FGF12: variants seen among roughly 807,000 people sequenced by gnomAD.
The protein encoded by FGF12 is fibroblast growth factor 12B.
Under a neutral mutation model 23.6 loss-of-function variants are expected in FGF12, and 14 were observed. The ratio of observed to expected loss-of-function variants is 0.59; its 90% CI spans 0.39 to 0.93. FGF12 has a LOEUF of 0.93. Among genes scored for constraint, FGF12 ranks in the 40% least tolerant of loss-of-function variants. The pLI, the probability that FGF12 is intolerant of heterozygous loss-of-function variation, is 0.00. For missense variants in FGF12, 175 were observed against 217.8 expected (o/e 0.80, Z 1.24); for synonymous variants, 62 against 77.3 (o/e 0.80, Z 1.04).
At chr3:192,184,331 C>A (rs1716339961) in intron 4 of FGF12, among the ~76,000 whole-genome samples, 2 of 152,114 alleles carry the variant, frequency 1.3e-5, no homozygotes, top group African/African-American at 2.4e-5. Flanking sequence ...CTTTGCTTAC[C>A]GATTAGAGTG....
chr3:192,426,584 T>C (rs539143972), intron 2 of FGF12, among the ~76,000 whole-genome samples: 2 of 152,218 alleles, frequency 1.3e-5, no homozygotes, highest in Non-Finnish European at 2.9e-5. Flanking sequence ...TTTTAGATGA[T>C]GGCAATCCAG....
At chr3:192,285,286 A>G (rs955271904) in intron 4 of FGF12, among the ~76,000 whole-genome samples, 9 of 152,052 alleles carry the variant, frequency 5.9e-5, no homozygotes, top group Admixed American at 2.0e-4. Flanking sequence ...TAACTTGGCC[A>G]TAACCACATT....
At chr3:192,262,488 A>G (rs1449572287) in intron 4 of FGF12, among the ~76,000 whole-genome samples, 2 of 152,190 alleles carry the variant, frequency 1.3e-5, no homozygotes. Context: ...GTTTTGGTCA[A>G]CAATGTACTA....
At chr3:192,667,976 A>C (rs1025428613) in intron 2 of FGF12, among the ~76,000 whole-genome samples, 1 of 152,216 alleles carries the variant, frequency 6.6e-6, no homozygotes, top group Non-Finnish European at 1.5e-5. Context: ...TAGGGATATA[A>C]TAATGTATAC....
chr3:192,499,683 C>G (rs1166726513), intron 2 of FGF12, among the ~76,000 whole-genome samples: 1 of 150,714 alleles, frequency 6.6e-6, no homozygotes, highest in African/African-American at 2.4e-5. Flanking sequence ...AGGCACCCAC[C>G]ACCTCACACG....
rs1308564639 is a variant in FGF12, at chr3:192,512,852, ATATATAT to A, written c.14-152321_14-152315del. On this transcript the variant is annotated intron_variant, in intron 2 of 5. Transcript: ENST00000445105. ...CTCAAATAAATATATATATATATAT[ATATATAT>A]AACAGGCTATGTCTATCATTTCCAC... 6.3e-4 allele frequency among the ~76,000 whole-genome samples: 83 copies of A among 131,202 alleles called. 4 individuals are homozygous for A. The South Asian group carries it at 0.019, about 29-fold the overall frequency. 86.1% of individuals were successfully genotyped at this position (131,202 alleles called of 152,430 possible).
intron 2 of FGF12, among the ~76,000 whole-genome samples, chr3:192,682,933 G>A (rs953749385): frequency 5.3e-5 from 8 of 152,184 alleles, no homozygotes; most frequent in African/African-American, 1.7e-4. Context: ...CCTTGTTGGG[G>A]AATGTATCAA....
intron 2 of FGF12, among the ~76,000 whole-genome samples, chr3:192,512,521 T>A (rs1355195710): frequency 6.6e-6 from 1 of 152,012 alleles, no homozygotes. Context: ...CAACAATCTA[T>A]TAGGTAGGTA....
intron 4 of FGF12, among the ~76,000 whole-genome samples, chr3:192,304,057 T>C (rs551256974): frequency 3.9e-5 from 6 of 152,282 alleles, no homozygotes; most frequent in Admixed American, 3.9e-4. Context: ...AAGACTGTAG[T>C]AAGCACTCAA....
At chr3:192,455,245 G>A (rs1027455181) in intron 2 of FGF12, among the ~76,000 whole-genome samples, 9 of 152,142 alleles carry the variant, frequency 5.9e-5, no homozygotes, top group Admixed American at 2.0e-4. Flanking sequence ...TTCGGAGAGG[G>A]GACAAGAAGA....
chr3:192,630,554 ATT>A (rs10695787), intron 2 of FGF12, among the ~76,000 whole-genome samples: 2 of 140,336 alleles, frequency 1.4e-5, no homozygotes, highest in Admixed American at 7.2e-5. Context: ...AAAAAATTCA[ATT>A]TTTTTTTTTT....
At chr3:192,534,344 AT>A (rs1170599772) in intron 2 of FGF12, among the ~76,000 whole-genome samples, 8 of 152,134 alleles carry the variant, frequency 5.3e-5, no homozygotes, top group African/African-American at 1.9e-4. Flanking sequence ...TTTTCTAATC[AT>A]TTAATCATAT....
At chr3:192,574,551 T>G (rs1467450184) in intron 2 of FGF12, among the ~76,000 whole-genome samples, 1 of 152,164 alleles carries the variant, frequency 6.6e-6, no homozygotes, top group South Asian at 2.1e-4. Flanking sequence ...CTCCTGTCAA[T>G]GAAACCAGAC....
At chr3:192,417,073 A>G (rs1052777481) in intron 2 of FGF12, among the ~76,000 whole-genome samples, 1 of 152,140 alleles carries the variant, frequency 6.6e-6, no homozygotes, top group Admixed American at 6.5e-5. Flanking sequence ...ATGTATACAC[A>G]TTGTAGTAAG....
At chr3:192,640,956 G>A (rs1179750292) in intron 2 of FGF12, among the ~76,000 whole-genome samples, 4 of 151,920 alleles carry the variant, frequency 2.6e-5, no homozygotes, top group Non-Finnish European at 5.9e-5. Flanking sequence ...GGGACCACAG[G>A]TACATGCCAC....
At position 192,424,623 on chromosome 3, in the gene FGF12, A is replaced by C. The variant is rs114458103; in HGVS notation, c.14-64085T>G. 7.2e-3 allele frequency among the ~76,000 whole-genome samples: 1,101 copies of C among 152,296 alleles called. 9 individuals carry two copies. The highest frequency in any genetic ancestry group is 8.1e-3 in the South Asian group (39 of 4,832). The stretch of plus-strand genomic sequence containing the variant: ...ATTAACCTGCAAGTTATCTTTTAAA[A>C]CAACTATAGTCTAGGGAAAATTTCA... On this transcript the variant is annotated intron_variant, in intron 2 of 5. Coordinates refer to ENST00000445105, the MANE Select transcript of FGF12 (RefSeq NM_004113.6).
chr3:192,232,513 G>GTATTTATTTATTTAAT (rs1719074854), intron 4 of FGF12, among the ~76,000 whole-genome samples: 1 of 147,378 alleles, frequency 6.8e-6, no homozygotes, highest in Non-Finnish European at 1.5e-5. Flanking sequence ...CCATGCACGT[G>GTATTTATTTATTTAAT]TATTTATTTA....
At chr3:192,268,715 GC>G (rs764210280) in intron 4 of FGF12, 9 of 448,350 alleles carry the variant, frequency 2.0e-5, no homozygotes, top group East Asian at 1.4e-4. Flanking sequence ...CCAAGGAGAT[GC>G]CAGCACCATG....
chr3:192,694,661 C>T (rs1718056433), intron 2 of FGF12, among the ~76,000 whole-genome samples: 1 of 151,160 alleles, frequency 6.6e-6, no homozygotes. Context: ...TATATATGTA[C>T]ACAGTAAAAT....
Sources: allele counts gnomAD v4.1 joint callset (sites outside exome capture counted in the v4.1 genomes callset), GRCh38; gene constraint gnomAD v4.1.1; transcripts MANE v1.5; gene names NCBI Gene and HGNC (gene_info 2026-07-23, HGNC 2026-07-21).